Variants in GRM3 observed in about 807,000 individuals in gnomAD.
The protein encoded by GRM3 is metabotropic glutamate receptor 3.
Under a neutral mutation model 70.5 loss-of-function variants are expected in GRM3, and 26 were observed. The observed-to-expected ratio is 0.37, with a 90% CI of 0.27 to 0.51. GRM3 has a LOEUF of 0.51. Among genes scored for constraint, GRM3 ranks in the 20% least tolerant of loss-of-function variants. GRM3 has a pLI of 0.93. For missense variants in GRM3, 859 were observed against 1,123.8 expected (o/e 0.76, Z 3.37); for synonymous variants, 443 against 434.9 (o/e 1.02, Z -0.23).
chr7:86,694,213 T>A (rs1363501855), intron 1 of GRM3, among the ~76,000 whole-genome samples: 2 of 151,938 alleles, frequency 1.3e-5, no homozygotes, highest in Admixed American at 6.6e-5. Context: ...AGAAATGAAG[T>A]ACAAACTCAT....
chr7:86,718,401 G>A (rs1455797132), intron 1 of GRM3, among the ~76,000 whole-genome samples: 1 of 152,006 alleles, frequency 6.6e-6, no homozygotes, highest in Non-Finnish European at 1.5e-5. Context: ...GATACATGTT[G>A]TGTGTGTATG....
intron 1 of GRM3, among the ~76,000 whole-genome samples, chr7:86,698,533 TATATAAA>T (rs1794879405): frequency 7.0e-6 from 1 of 142,324 alleles, no homozygotes; most frequent in African/African-American, 2.8e-5. Flanking sequence ...TATATATATA[TATATAAA>T]ATACACATTA....
At chr7:86,823,968 G>A (rs1249161345) in intron 3 of GRM3, among the ~76,000 whole-genome samples, 1 of 152,128 alleles carries the variant, frequency 6.6e-6, no homozygotes, top group Non-Finnish European at 1.5e-5. Flanking sequence ...GTTGCAGTGG[G>A]GAGAGAGAGC....
At chr7:86,703,461 A>C (rs1794990253) in intron 1 of GRM3, among the ~76,000 whole-genome samples, 1 of 151,992 alleles carries the variant, frequency 6.6e-6, no homozygotes, top group South Asian at 2.1e-4. Flanking sequence ...AGAAGTGTCC[A>C]AGAAGAAGTA....
chr7:86,857,848 C>T (rs1338718811), intron 5 of GRM3, among the ~76,000 whole-genome samples: 2 of 152,074 alleles, frequency 1.3e-5, no homozygotes, highest in African/African-American at 4.8e-5. Flanking sequence ...GAAAAATGAT[C>T]CTTTTCATTT....
intron 2 of GRM3, 37 bp downstream of exon 2, chr7:86,765,650 C>A: frequency 4.5e-6 from 7 of 1,572,548 alleles, no homozygotes; most frequent in Non-Finnish European, 6.1e-6. Flanking sequence ...AAGGCTGTAT[C>A]TCTTTGCTTT....
At chr7:86,731,704 T>A (rs1333390281) in intron 1 of GRM3, among the ~76,000 whole-genome samples, 1 of 152,176 alleles carries the variant, frequency 6.6e-6, no homozygotes. Flanking sequence ...GCATCATGTA[T>A]GCTAGAATGT....
At chr7:86,732,753 G>C (rs1423291652) in intron 1 of GRM3, among the ~76,000 whole-genome samples, 5 of 152,140 alleles carry the variant, frequency 3.3e-5, no homozygotes, top group African/African-American at 1.2e-4. Context: ...TGGAGACCAG[G>C]AATTAAGTAC....
chr7:86,719,650 A>G (rs1459049366), intron 1 of GRM3, among the ~76,000 whole-genome samples: 3 of 152,084 alleles, frequency 2.0e-5, no homozygotes, highest in Admixed American at 6.6e-5. Context: ...TTCTTTCAGT[A>G]TGACATAGCA....
intron 3 of GRM3, among the ~76,000 whole-genome samples, chr7:86,825,798 A>G (rs906216476): frequency 3.3e-5 from 5 of 152,204 alleles, no homozygotes; most frequent in Admixed American, 2.0e-4. Flanking sequence ...CTGTGATTGC[A>G]TTCTTCAGAA....
chr7:86,831,602 A>G (rs1244925473), intron 3 of GRM3, among the ~76,000 whole-genome samples: 1 of 152,086 alleles, frequency 6.6e-6, no homozygotes, highest in African/African-American at 2.4e-5. Flanking sequence ...TATTTTCCCT[A>G]TGCCCCTACC....
intron 3 of GRM3, among the ~76,000 whole-genome samples, chr7:86,791,503 G>A (rs1270241004): frequency 1.3e-5 from 2 of 152,122 alleles, no homozygotes; most frequent in Non-Finnish European, 2.9e-5. Flanking sequence ...CCCAAGAATT[G>A]AAAGTGATTC....
chr7:86,798,938 C>G (rs755992648), intron 3 of GRM3, among the ~76,000 whole-genome samples: 21 of 152,254 alleles, frequency 1.4e-4, no homozygotes, highest in Admixed American at 4.6e-4. Flanking sequence ...TGATTGAGGC[C>G]TACCCAGCCA....
intron 5 of GRM3, among the ~76,000 whole-genome samples, chr7:86,855,895 G>A (rs917630918): frequency 2.0e-5 from 3 of 152,152 alleles, no homozygotes; most frequent in Non-Finnish European, 4.4e-5. Context: ...ACAGCATCAT[G>A]TGCCTGTAAT....
intron 1 of GRM3, among the ~76,000 whole-genome samples, chr7:86,752,954 C>T (rs1796264256): frequency 1.3e-5 from 2 of 151,940 alleles, no homozygotes; most frequent in South Asian, 4.1e-4. Context: ...GCACATGTGT[C>T]CTTTTGAGGA....
At chr7:86,795,112 T>C (rs929377648) in intron 3 of GRM3, among the ~76,000 whole-genome samples, 2 of 152,016 alleles carry the variant, frequency 1.3e-5, no homozygotes, top group Admixed American at 1.3e-4. Flanking sequence ...TGTTTTTTTT[T>C]TAAATTAAGG....
chr7:86,681,666 G>T (rs1324394304), intron 1 of GRM3, among the ~76,000 whole-genome samples: 4 of 151,840 alleles, frequency 2.6e-5, no homozygotes. Flanking sequence ...TAACGTCTCT[G>T]GTATATATTT....
At position 86,786,514 on chromosome 7, in the gene GRM3, T is replaced by A; in HGVS notation, c.722T>A (p.Ile241Asn). 1 of 1,614,146 alleles carries A rather than the reference T, an allele frequency of 6.2e-7. No homozygotes were observed. The highest frequency in any genetic ancestry group is 8.5e-7 in the Non-Finnish European group (1 of 1,180,042). ...GAAGCCCGCCTGCGCAACATCTGCA[T>A]CGCTACGGCGGAGAAGGTGGGCCGC... ...EQEARLRNICIATAEKVGRSN... is the reference protein window; with the variant it reads ...EQEARLRNICNATAEKVGRSN... The change falls in exon 3 of 6, where the codon ATC (isoleucine) becomes AAC (asparagine). Residue 241 changes from isoleucine to asparagine, a missense_variant. Coordinates refer to ENST00000361669, the MANE Select transcript of GRM3 (RefSeq NM_000840.3). The surrounding 1 kb of genome is among the most constrained non-coding windows in gnomAD (Gnocchi z 6.0).
intron 1 of GRM3, among the ~76,000 whole-genome samples, chr7:86,673,207 G>T (rs140443608): frequency 6.4e-4 from 97 of 152,146 alleles, no homozygotes; most frequent in African/African-American, 2.2e-3. Context: ...TGCTTACTTT[G>T]TTCCTCATTC....
Sources: allele counts gnomAD v4.1 joint callset (sites outside exome capture counted in the v4.1 genomes callset), GRCh38; gene constraint gnomAD v4.1.1; non-coding constraint Gnocchi (gnomAD v3.1); transcripts MANE v1.5; gene names NCBI Gene and HGNC (gene_info 2026-07-23, HGNC 2026-07-21).